The following UBR2 variants were observed in gnomAD, a reference collection of about 807,000 sequenced individuals.
UBR2 encodes the protein ubiquitin protein ligase E3 component n-recognin 2.
UBR2 carries 92 observed loss-of-function variants against 247.9 expected under a neutral mutation model. That is an observed-to-expected ratio of 0.37 (90% CI 0.31 to 0.44). The LOEUF is 0.44. UBR2 is among the 20% of genes least tolerant of loss of function. UBR2 has a pLI of 1.00. For synonymous variants in UBR2, 672 were observed against 693.5 expected, an observed-to-expected ratio of 0.97 and a Z score of 0.49; for missense variants, 1,613 against 2,112.6, an observed-to-expected ratio of 0.76 and a Z score of 4.64.
In UBR2 at chr6:42,612,287, T is replaced by G. The variant is rs779747963; in HGVS notation, c.981T>G (p.Tyr327Ter). Residue 327 changes from tyrosine (Y) to a stop codon, truncating the protein, a stop_gained, in exon 8 of 47, where the codon TAT becomes TAG. Coordinates refer to ENST00000372901, the MANE Select transcript of UBR2 (RefSeq NM_001363705.2). LOFTEE classifies it high-confidence loss of function. ...LLSWLGSIIG[Y>*]SDGLRRILCQ... ...CTTGGCTGGGAAGTATTATTGGATATTCAGGTAGGTTCATAAAAGTTCATG... is the reference window on the plus strand; with the variant it reads ...CTTGGCTGGGAAGTATTATTGGATAGTCAGGTAGGTTCATAAAAGTTCATG... 1 of 1,504,736 alleles carries G rather than the reference T, an allele frequency of 6.6e-7. No homozygotes were observed. The highest frequency in any genetic ancestry group is 9.0e-7 in the Non-Finnish European group (1 of 1,105,238). 93.2% of individuals were successfully genotyped at this position (1,504,736 alleles called of 1,614,324 possible).
chr6:42,686,656 G>C (rs1000734034), intron 44 of UBR2, among the ~76,000 whole-genome samples: 9 of 152,170 alleles, frequency 5.9e-5, no homozygotes, highest in Non-Finnish European at 1.2e-4. Context: ...CGGGGCAGCC[G>C]GGCAGAGGCG....
At chr6:42,609,365 C>G (rs1224879230) in intron 7 of UBR2, among the ~76,000 whole-genome samples, 1 of 151,938 alleles carries the variant, frequency 6.6e-6, no homozygotes, top group Non-Finnish European at 1.5e-5. Context: ...GAATATTATG[C>G]AGTCATTAAC....
chr6:42,575,880 A>AATTT (rs967499974), intron 2 of UBR2, among the ~76,000 whole-genome samples: 1 of 152,052 alleles, frequency 6.6e-6, no homozygotes, highest in Non-Finnish European at 1.5e-5. Flanking sequence ...TCAAACTTTC[A>AATTT]ATTTATTTAT....
intron 10 of UBR2, among the ~76,000 whole-genome samples, chr6:42,616,400 AACTAATC>A (rs1178906188): frequency 2.2e-4 from 34 of 152,060 alleles, no homozygotes; most frequent in African/African-American, 8.2e-4. Context: ...CATATAAGGA[AACTAATC>A]TCAGTTTAAA....
chr6:42,649,882 C>A (rs2151965211), intron 22 of UBR2, among the ~76,000 whole-genome samples: 1 of 152,264 alleles, frequency 6.6e-6, no homozygotes, highest in East Asian at 1.9e-4. Context: ...TAGGAAAGTT[C>A]TCTAAACCCC....
intron 2 of UBR2, among the ~76,000 whole-genome samples, chr6:42,585,233 G>A (rs896513375): frequency 1.3e-5 from 2 of 151,996 alleles, no homozygotes; most frequent in Admixed American, 6.6e-5. Flanking sequence ...TATTCCATTA[G>A]TTTGGTTGAT....
At chr6:42,579,662 A>G (rs1791750104) in intron 2 of UBR2, among the ~76,000 whole-genome samples, 1 of 152,192 alleles carries the variant, frequency 6.6e-6, no homozygotes, top group Admixed American at 6.5e-5. Context: ...GGCGTGTGCC[A>G]CCATGCTCAG....
intron 38 of UBR2, among the ~76,000 whole-genome samples, chr6:42,674,439 C>G (rs750918268): frequency 3.9e-5 from 6 of 152,154 alleles, no homozygotes; most frequent in Non-Finnish European, 7.3e-5. Context: ...ATTTTAACCT[C>G]TCTGTGCTTT....
At chr6:42,688,955 G>A (rs1420953446) in intron 45 of UBR2, among the ~76,000 whole-genome samples, 1 of 152,198 alleles carries the variant, frequency 6.6e-6, no homozygotes, top group African/African-American at 2.4e-5. Context: ...TGAAATGGCA[G>A]CTATGGAGCT....
intron 7 of UBR2, among the ~76,000 whole-genome samples, chr6:42,610,004 T>G (rs1308106712): frequency 1.3e-5 from 2 of 151,544 alleles, no homozygotes; most frequent in African/African-American, 4.9e-5. Context: ...GGATGGCTTC[T>G]GTCAAAAAAA....
intron 34 of UBR2, 37 bp downstream of exon 34, chr6:42,666,282 AT>A: frequency 6.5e-7 from 1 of 1,533,484 alleles, no homozygotes; most frequent in South Asian, 1.2e-5. Flanking sequence ...TATTTGACCC[AT>A]TTGAAATGAA....
chr6:42,603,485 T>G (rs1793511732), intron 4 of UBR2, 103 bp from the exon 5 acceptor site: 2 of 1,156,660 alleles, frequency 1.7e-6, no homozygotes, highest in Non-Finnish European at 2.3e-6. Context: ...GGAAGACCAG[T>G]CAACTTTTTA....
rs1798927835 is a variant in UBR2 at position 42,679,842 on chromosome 6, A to G, written c.4718+10A>G. ...ATTCACTGATTGAAAGGTAATGATTATATACTTTTCTTTGTTGTATTAAAT... is the reference window on the plus strand; with the variant it reads ...ATTCACTGATTGAAAGGTAATGATTGTATACTTTTCTTTGTTGTATTAAAT... On this transcript the variant is annotated intron_variant, in intron 42 of 46. Coordinates refer to ENST00000372901, the MANE Select transcript of UBR2 (RefSeq NM_001363705.2). 1 of 1,578,850 alleles carries G rather than the reference A, an allele frequency of 6.3e-7. No homozygotes were observed. The highest frequency in any genetic ancestry group is 8.7e-7 in the Non-Finnish European group (1 of 1,153,702).
chr6:42,617,727 T>G (rs1297417788), intron 11 of UBR2, among the ~76,000 whole-genome samples: 2 of 152,218 alleles, frequency 1.3e-5, no homozygotes. Flanking sequence ...TACTTTCTCT[T>G]CAGAGTAAAG....
intron 7 of UBR2, among the ~76,000 whole-genome samples, chr6:42,610,128 C>G (rs947750969): frequency 6.6e-6 from 1 of 152,044 alleles, no homozygotes; most frequent in Admixed American, 6.6e-5. Context: ...AGTATGTGAT[C>G]ATGGTACCTG....
At chr6:42,623,414 G>A (rs1483765398) in intron 11 of UBR2, among the ~76,000 whole-genome samples, 1 of 152,114 alleles carries the variant, frequency 6.6e-6, no homozygotes, top group Non-Finnish European at 1.5e-5. Context: ...TGGGACTATA[G>A]GCATGCACCA....
rs756451238 is a variant in UBR2 at position 42,679,753 on chromosome 6, T to C, written c.4639T>C (p.Cys1547Arg). 6 of 1,613,576 alleles carry C rather than the reference T, an allele frequency of 3.7e-6. No homozygotes were observed. Reference sequence around the variant, plus strand: ...TGGAACAAGCCATTTTGAACATTTATGTAGCTATCTTTCCCTACCAAACAA... The same window carrying C: ...TGGAACAAGCCATTTTGAACATTTACGTAGCTATCTTTCCCTACCAAACAA... ...VPGTSHFEHL[C>R]SYLSLPNNLI... Residue 1547 changes from cysteine to arginine, a missense_variant, in exon 42 of 47, where the codon TGT becomes CGT. This residue lies in a region of UBR2 where 1,524 missense variants were observed against 1,967.3 expected (regional missense o/e 0.77). Coordinates refer to ENST00000372901, the MANE Select transcript of UBR2 (RefSeq NM_001363705.2).
At chr6:42,657,386 T>C (rs1797505267) in intron 26 of UBR2, among the ~76,000 whole-genome samples, 1 of 152,198 alleles carries the variant, frequency 6.6e-6, no homozygotes, top group African/African-American at 2.4e-5. Flanking sequence ...CTCTCCCTTA[T>C]CTAGAGTCAC....
At chr6:42,641,527 G>A (rs1796446581) in intron 16 of UBR2, 55 bp from the exon 17 acceptor site, 1 of 1,371,218 alleles carries the variant, frequency 7.3e-7, no homozygotes, top group East Asian at 2.4e-5. Context: ...TTTTAGAACT[G>A]ATTTTATGTG....
Sources: allele counts gnomAD v4.1 joint callset (sites outside exome capture counted in the v4.1 genomes callset), GRCh38; gene constraint gnomAD v4.1.1; regional missense constraint gnomAD v4.1.1; transcripts MANE v1.5; gene names NCBI Gene and HGNC (gene_info 2026-07-23, HGNC 2026-07-21).